The following PCDH19 variants were observed in gnomAD, a reference collection of about 807,000 sequenced individuals.
The protein encoded by PCDH19 is protocadherin-19.
PCDH19 carries 6 observed loss-of-function variants against 46.2 expected under a neutral mutation model. That is an observed-to-expected ratio of 0.13 (90% CI 0.07 to 0.26). The LOEUF (loss-of-function observed/expected upper bound fraction) is 0.26. PCDH19 is among the 10% of genes least tolerant of loss of function. PCDH19 has a pLI of 1.00. For synonymous variants in PCDH19, 481 were observed against 415.7 expected (o/e 1.16, Z -1.91); for missense variants, 740 against 972.3 (o/e 0.76, Z 3.18).
chrX:100,376,313 C>T (rs1927384606), intron 3 of PCDH19, among the ~76,000 whole-genome samples: 1 of 107,960 alleles, frequency 9.3e-6, no homozygotes, highest in African/African-American at 3.4e-5. Context: ...ACACACAATA[C>T]ATATGAGTAG....
chrX:100,356,285 G>A (rs896332960), intron 3 of PCDH19, among the ~76,000 whole-genome samples: 2 of 111,474 alleles, frequency 1.8e-5, no homozygotes, highest in Admixed American at 9.5e-5. Context: ...CTGGAATCCC[G>A]TATCAGATAC....
intron 5 of PCDH19, among the ~76,000 whole-genome samples, chrX:100,306,357 T>C (rs1165372756): frequency 9.0e-6 from 1 of 111,716 alleles, no homozygotes; most frequent in East Asian, 2.8e-4. Context: ...AAAAATTCTT[T>C]GAACTGAATG....
chrX:100,396,251 T>C (rs1056923671), intron 3 of PCDH19, among the ~76,000 whole-genome samples: 11 of 111,972 alleles, frequency 9.8e-5, no homozygotes, highest in Non-Finnish European at 1.9e-4. Flanking sequence ...TTCATCCTTT[T>C]TCAGTCCCCT....
intron 3 of PCDH19, among the ~76,000 whole-genome samples, chrX:100,358,568 G>A: frequency 8.9e-6 from 1 of 111,771 alleles, no homozygotes; most frequent in East Asian, 2.8e-4. Flanking sequence ...CACTACAGAG[G>A]CCTCCTTGAG....
intron 3 of PCDH19, among the ~76,000 whole-genome samples, chrX:100,390,179 G>A (rs1203097965): frequency 9.0e-6 from 1 of 111,552 alleles, no homozygotes; most frequent in Non-Finnish European, 1.9e-5. Context: ...TCTCTGGGCT[G>A]AATACAGGCC....
intron 3 of PCDH19, among the ~76,000 whole-genome samples, chrX:100,351,122 T>C (rs746340043): frequency 1.8e-5 from 2 of 113,140 alleles, no homozygotes; most frequent in Non-Finnish European, 3.7e-5. Flanking sequence ...ATTCCAAAGA[T>C]ATGGAAATGC....
intron 5 of PCDH19, among the ~76,000 whole-genome samples, chrX:100,308,645 T>C (rs1448075217): frequency 5.4e-5 from 6 of 110,801 alleles, no homozygotes; most frequent in Non-Finnish European, 1.1e-4. Flanking sequence ...AAAGGACTAA[T>C]ATCCAGAATC....
intron 5 of PCDH19, among the ~76,000 whole-genome samples, chrX:100,308,639 G>A (rs973709043): frequency 2.7e-5 from 3 of 110,696 alleles, no homozygotes; most frequent in African/African-American, 9.9e-5. Context: ...TTTGACAAAG[G>A]ACTAATATCC....
chrX:100,342,255 G>A (rs1020124787), intron 4 of PCDH19, among the ~76,000 whole-genome samples, 180 bp from the exon 5 acceptor site: 1 of 111,916 alleles, frequency 8.9e-6, no homozygotes, highest in Non-Finnish European at 1.9e-5. Flanking sequence ...ATTGCACAGA[G>A]GTTCCCACTA....
chrX:100,340,301 G>C (rs952207158), intron 5 of PCDH19, among the ~76,000 whole-genome samples: 10 of 112,016 alleles, frequency 8.9e-5, no homozygotes, highest in African/African-American at 3.2e-4. Flanking sequence ...TGTTTTCCTA[G>C]AGAAATGTGA....
rs762888017 is a variant in PCDH19, at chrX:100,296,647, G to A, written c.3077C>T (p.Pro1026Leu). 5 of 1,209,065 alleles carry A rather than the reference G, an allele frequency of 4.1e-6. No homozygotes were observed. Among genetic ancestry groups the A allele is most frequent in the South Asian group, 3.5e-5 (2 of 56,686 alleles). ...TTTCAGGGTAGGCCTCTCCTCAGCC[G>A]GGTGGTCGCTGACATCTTTCCCAAA... ...ATFGKDVSDHPAEERPTLKGK... is the reference protein window; with the variant it reads ...ATFGKDVSDHLAEERPTLKGK... The change falls in exon 6 of 6, where the codon CCG becomes CTG. Residue 1026 changes from proline (P) to leucine (L), a missense_variant. Physicochemically the swap from Pro to Leu is moderately conservative, Grantham distance 98 (BLOSUM62 -3). This residue lies in a region of PCDH19 where 416 missense variants were observed against 476.8 expected (regional missense o/e 0.87). Transcript: ENST00000373034.
intron 5 of PCDH19, among the ~76,000 whole-genome samples, chrX:100,319,779 G>A (rs1925419522): frequency 8.9e-6 from 1 of 112,155 alleles, no homozygotes; most frequent in African/African-American, 3.2e-5. Flanking sequence ...AAAGGAAAGA[G>A]CTAATCATTC....
intron 3 of PCDH19, among the ~76,000 whole-genome samples, chrX:100,378,045 G>A (rs1302550660): frequency 8.9e-6 from 1 of 112,404 alleles, no homozygotes. Flanking sequence ...ATTGAGAAAG[G>A]GCAGAAATGA....
intron 3 of PCDH19, among the ~76,000 whole-genome samples, chrX:100,372,251 A>G (rs1398874327): frequency 1.8e-5 from 2 of 111,683 alleles, no homozygotes; most frequent in Non-Finnish European, 3.8e-5. Flanking sequence ...AAAAGAAAAA[A>G]GAAATGGGTC....
At chrX:100,371,884 C>CACACA (rs1555981142) in intron 3 of PCDH19, among the ~76,000 whole-genome samples, 3,619 of 88,994 alleles carry the variant, frequency 0.041, 124 homozygotes, top group African/African-American at 0.13. Context: ...ACACACACAC[C>CACACA]CACACAAAAC....
chrX:100,370,101 C>T (rs139512109), intron 3 of PCDH19, among the ~76,000 whole-genome samples: 193 of 111,380 alleles, frequency 1.7e-3, no homozygotes, highest in Non-Finnish European at 3.1e-3. Flanking sequence ...GGAAAAGTAA[C>T]AGTCATCCCA....
chrX:100,326,314 T>G (rs1371979227), intron 5 of PCDH19, among the ~76,000 whole-genome samples: 1 of 112,297 alleles, frequency 8.9e-6, no homozygotes, highest in African/African-American at 3.2e-5. Context: ...AGATATGACC[T>G]TTCAGGTAGG....
chrX:100,323,771 T>G (rs1925593967), intron 5 of PCDH19, among the ~76,000 whole-genome samples: 1 of 110,791 alleles, frequency 9.0e-6, no homozygotes, highest in African/African-American at 3.3e-5. Flanking sequence ...AAAAAAAAAA[T>G]TCTCAATGTC....
At chrX:100,330,089 T>A (rs1459402929) in intron 5 of PCDH19, among the ~76,000 whole-genome samples, 1 of 112,121 alleles carries the variant, frequency 8.9e-6, no homozygotes, top group Non-Finnish European at 1.9e-5. Context: ...GCATTTTTTT[T>A]CAATAAGCTG....
Sources: gnomAD v4.1 joint callset for allele counts (sites outside exome capture counted in the v4.1 genomes callset) on GRCh38, gnomAD v4.1.1 for gene constraint, gnomAD v4.1.1 regional missense constraint, MANE v1.5 for transcripts, NCBI Gene and HGNC (gene_info 2026-07-23, HGNC 2026-07-21) for gene names.